The following EHMT1 variants were observed in gnomAD, a reference collection of about 807,000 sequenced individuals.
EHMT1 encodes euchromatic histone lysine methyltransferase 1.
In EHMT1, 15 loss-of-function variants were observed where a neutral mutation model predicts 147.2. The ratio of observed to expected loss-of-function variants is 0.10; its 90% CI spans 0.07 to 0.16. The LOEUF (loss-of-function observed/expected upper bound fraction) is 0.16. EHMT1 is among the 10% of genes least tolerant of loss of function. EHMT1 has a pLI of 1.00. For synonymous variants in EHMT1, 795 were observed against 709.6 expected (o/e 1.12, Z -1.91); for missense variants, 1,587 against 1,772.4 (o/e 0.90, Z 1.88).
chr9:137,743,178 C>G, intron 4 of EHMT1, 193 bp from the exon 5 acceptor site: 1 of 608,132 alleles, frequency 1.6e-6, no homozygotes, highest in East Asian at 3.0e-5. Flanking sequence ...GTTTCTGATT[C>G]TCTGTGAATT....
At chr9:137,689,699 T>C (rs1358986867) in intron 1 of EHMT1, among the ~76,000 whole-genome samples, 1 of 152,184 alleles carries the variant, frequency 6.6e-6, no homozygotes, top group Non-Finnish European at 1.5e-5. Flanking sequence ...CAAGACTCCG[T>C]CTCAAAAGAA....
chr9:137,649,922 C>A (rs1207560526), intron 1 of EHMT1, among the ~76,000 whole-genome samples: 2 of 152,178 alleles, frequency 1.3e-5, no homozygotes, highest in African/African-American at 4.8e-5. Context: ...ATGCTCTGGG[C>A]AAAGTGTACA....
At chr9:137,804,699 A>C (rs1225619079) in intron 18 of EHMT1, among the ~76,000 whole-genome samples, 1 of 151,708 alleles carries the variant, frequency 6.6e-6, no homozygotes, top group Non-Finnish European at 1.5e-5. Flanking sequence ...TACGAGTTTT[A>C]TGGTTTGGGG....
intron 16 of EHMT1, chr9:137,792,077 A>C (rs746048802): frequency 5.5e-5 from 26 of 469,770 alleles, no homozygotes; most frequent in Admixed American, 5.5e-4. Flanking sequence ...TCTAAAGTTT[A>C]TACGGAGTCT....
intron 1 of EHMT1, among the ~76,000 whole-genome samples, chr9:137,631,146 A>G (rs1026433310): frequency 1.2e-4 from 18 of 152,234 alleles, no homozygotes; most frequent in African/African-American, 4.1e-4. Flanking sequence ...CCACTTTGGG[A>G]GGCCGAGGCG....
chr9:137,815,023 A>G (rs910333530), intron 22 of EHMT1, among the ~76,000 whole-genome samples: 43 of 151,954 alleles, frequency 2.8e-4, no homozygotes, highest in African/African-American at 8.7e-4. Flanking sequence ...AGCCCTGGCT[A>G]GCAGGGGTGC....
At chr9:137,715,342 A>G (rs1032569722) in intron 2 of EHMT1, among the ~76,000 whole-genome samples, 2 of 152,220 alleles carry the variant, frequency 1.3e-5, no homozygotes, top group African/African-American at 4.8e-5. Flanking sequence ...GGGTTTTTAA[A>G]ACATAGTTGT....
rs186747522 is a variant in EHMT1 at position 137,818,046 on chromosome 9, C to T, written c.3462-14C>T. The stretch of plus-strand genomic sequence containing the variant: ...CTGCCTTCCAGGGCCTCACCTGCAC[C>T]GCACCCTCTGCAGGTATGTTGGGGA... On this transcript the variant is annotated splice_polypyrimidine_tract_variant and intron_variant, in intron 24 of 26. Coordinates refer to ENST00000460843, the MANE Select transcript of EHMT1 (RefSeq NM_024757.5). 1.5e-4 allele frequency: 249 copies of T among 1,613,796 alleles called. No individual in the cohort carries two copies. Among genetic ancestry groups the T allele is most frequent in the Middle Eastern group, 5.0e-4 (3 of 6,022 alleles).
At chr9:137,661,747 A>G (rs762278231) in intron 1 of EHMT1, among the ~76,000 whole-genome samples, 12 of 152,034 alleles carry the variant, frequency 7.9e-5, no homozygotes, top group Non-Finnish European at 1.6e-4. Context: ...CTGCCTCCCA[A>G]TTAAAGGCGT....
chr9:137,797,936 G>A (rs1283237383), intron 16 of EHMT1, among the ~76,000 whole-genome samples: 1 of 152,248 alleles, frequency 6.6e-6, no homozygotes, highest in Non-Finnish European at 1.5e-5. Context: ...TGGCACAGCG[G>A]TGTGGGCGGC....
At chr9:137,797,291 G>A (rs1382247513) in intron 16 of EHMT1, among the ~76,000 whole-genome samples, 3 of 152,072 alleles carry the variant, frequency 2.0e-5, no homozygotes, top group Non-Finnish European at 4.4e-5. Context: ...CCACCTTCAC[G>A]TCTATTCCCA....
At chr9:137,832,430 T>TC (rs536996784) in intron 25 of EHMT1, among the ~76,000 whole-genome samples, 362 of 142,128 alleles carry the variant, frequency 2.5e-3, no homozygotes, top group Non-Finnish European at 3.5e-3. Context: ...TGCACTTTGC[T>TC]CCCATCCTAG....
intron 1 of EHMT1, among the ~76,000 whole-genome samples, chr9:137,703,238 A>T (rs1002435311): frequency 3.3e-5 from 5 of 152,188 alleles, no homozygotes; most frequent in Admixed American, 1.3e-4. Flanking sequence ...GCTGCTGCAA[A>T]GGTCTCTGAG....
At chr9:137,749,591 C>T (rs993793947) in intron 6 of EHMT1, among the ~76,000 whole-genome samples, 7 of 152,148 alleles carry the variant, frequency 4.6e-5, no homozygotes, top group African/African-American at 1.4e-4. Flanking sequence ...TGAGCCATGG[C>T]GCCCAGCCTC....
chr9:137,754,321 G>A (rs781418810), intron 8 of EHMT1, 30 bp downstream of exon 8: 13 of 1,613,014 alleles, frequency 8.1e-6, no homozygotes, highest in East Asian at 2.2e-5. Context: ...GGGCCATCAC[G>A]GGGACTGCCT....
intron 25 of EHMT1, among the ~76,000 whole-genome samples, chr9:137,831,426 A>G (rs1234510183): frequency 1.3e-5 from 2 of 152,164 alleles, no homozygotes; most frequent in African/African-American, 2.4e-5. Flanking sequence ...AGCCCTTGCT[A>G]TTTATCTCAA....
intron 5 of EHMT1, 127 bp from the exon 6 acceptor site, chr9:137,743,775 C>G: frequency 8.0e-7 from 1 of 1,254,228 alleles, no homozygotes; most frequent in Non-Finnish European, 1.1e-6. Flanking sequence ...AGGGGCACCT[C>G]TTCGTGTGTC....
intron 14 of EHMT1, among the ~76,000 whole-genome samples, chr9:137,781,264 T>C (rs199693409): frequency 1.4e-3 from 103 of 71,876 alleles, no homozygotes; most frequent in Admixed American, 1.8e-3. Flanking sequence ...GTGACGACGC[T>C]GGGACGTGTG....
At chr9:137,653,593 ATCTCAGCTCACTGC>A (rs1348397996) in intron 1 of EHMT1, among the ~76,000 whole-genome samples, 1 of 151,542 alleles carries the variant, frequency 6.6e-6, no homozygotes, top group Non-Finnish European at 1.5e-5. Context: ...CAGTGGTGTG[ATCTCAGCTCACTGC>A]AACCTCTGCC....
Sources: allele counts gnomAD v4.1 joint callset (sites outside exome capture counted in the v4.1 genomes callset), GRCh38; gene constraint gnomAD v4.1.1; transcripts MANE v1.5; gene names NCBI Gene and HGNC (gene_info 2026-07-23, HGNC 2026-07-21).